The following TDRD7 variants were observed in gnomAD, a reference collection of about 807,000 sequenced individuals.
TDRD7 encodes tudor domain containing 7, also known as tudor domain-containing protein 7.
TDRD7 carries 47 observed loss-of-function variants against 109.8 expected under a neutral mutation model. That is an observed-to-expected ratio of 0.43 (90% CI 0.34 to 0.55). The LOEUF is 0.55. Among genes scored for constraint, TDRD7 ranks in the 20% least tolerant of loss-of-function variants. The pLI is 0.03. For missense variants in TDRD7, 1,164 were observed against 1,319.2 expected (o/e 0.88, Z 1.82); for synonymous variants, 424 against 457.3 (o/e 0.93, Z 0.93).
intron 6 of TDRD7, among the ~76,000 whole-genome samples, chr9:97,442,951 A>G (rs955772900): frequency 6.6e-6 from 1 of 152,184 alleles, no homozygotes; most frequent in East Asian, 1.9e-4. Context: ...GTTAGCCACT[A>G]CGCCCAGCTA....
Position 97,483,241 on chromosome 9 carries a change from A to C in TDRD7, c.2805A>C (p.Ile935=). The C allele has an allele frequency of 6.2e-7, 1 of 1,613,630 alleles. No individual in the cohort carries two copies. Among genetic ancestry groups the C allele is most frequent in the Non-Finnish European group, 8.5e-7 (1 of 1,179,664 alleles). Residue 935 remains isoleucine, a synonymous_variant, in exon 15 of 17, where the codon ATA becomes ATC. Transcript: ENST00000355295. ...TCGTCATCCAGCCTTGGCAGGAGAT[A>C]CATAAGTTGGAAGTTCTGATGGAAG... ...GYFVIQPWQE[I]HKLEVLMEEM...
chr9:97,476,289 T>C (rs144197929), intron 12 of TDRD7, among the ~76,000 whole-genome samples: 3 of 152,322 alleles, frequency 2.0e-5, no homozygotes, highest in Non-Finnish European at 4.4e-5. Flanking sequence ...ACTCTTCTAT[T>C]TCTAGTCACT....
chr9:97,469,132 A>AC (rs1828869222), intron 8 of TDRD7, among the ~76,000 whole-genome samples: 1 of 152,202 alleles, frequency 6.6e-6, no homozygotes, highest in African/African-American at 2.4e-5. Context: ...CTATTGTCAG[A>AC]CCACGTTACC....
intron 4 of TDRD7, among the ~76,000 whole-genome samples, chr9:97,433,148 TTC>T (rs1158313391): frequency 6.6e-6 from 1 of 152,178 alleles, no homozygotes; most frequent in Admixed American, 6.6e-5. Flanking sequence ...TGTTCAAAAA[TTC>T]TGTTTTGTGA....
chr9:97,482,973 A>G lies in TDRD7; in HGVS notation c.2537A>G (p.Lys846Arg). The change falls in exon 15 of 17, where the codon AAG (lysine) becomes AGG (arginine). Residue 846 changes from lysine (K) to arginine (R), a missense_variant. Physicochemically the swap from Lys to Arg is conservative, Grantham distance 26 (BLOSUM62 2). Coordinates refer to ENST00000355295, the MANE Select transcript of TDRD7 (RefSeq NM_014290.3). Reference protein sequence around the residue: ...ITNADLWKHQKDVFLSAISSG... With the variant: ...ITNADLWKHQRDVFLSAISSG... ...AATGCAGACTTGTGGAAGCATCAGAAGGATGTGTTTTTGAGTGCCATATCC... is the reference window on the plus strand; with the variant it reads ...AATGCAGACTTGTGGAAGCATCAGAGGGATGTGTTTTTGAGTGCCATATCC... 1 of 1,614,238 alleles carries G rather than the reference A, an allele frequency of 6.2e-7. No homozygotes were observed. The highest frequency in any genetic ancestry group is 1.7e-5 in the Admixed American group (1 of 60,012).
At chr9:97,428,704 C>G (rs1281552794) in intron 2 of TDRD7, 32 bp downstream of exon 2, 1 of 1,597,506 alleles carries the variant, frequency 6.3e-7, no homozygotes, top group Non-Finnish European at 8.6e-7. Flanking sequence ...TCAGAAGAAT[C>G]AAACCAATTC....
intron 8 of TDRD7, among the ~76,000 whole-genome samples, chr9:97,467,526 A>G (rs147129275): frequency 7.0e-4 from 106 of 152,270 alleles, no homozygotes; most frequent in African/African-American, 2.4e-3. Context: ...TTCACTTTTT[A>G]CTGGAGCCAA....
chr9:97,489,622 G>A (rs548562240), intron 16 of TDRD7, among the ~76,000 whole-genome samples: 31 of 152,072 alleles, frequency 2.0e-4, no homozygotes, highest in African/African-American at 7.0e-4. Flanking sequence ...TTTAATTGGT[G>A]TATTTAGACT....
chr9:97,447,860 G>A (rs535482242), intron 6 of TDRD7, among the ~76,000 whole-genome samples: 1 of 152,356 alleles, frequency 6.6e-6, no homozygotes, highest in African/African-American at 2.4e-5. Flanking sequence ...TAAGGAACAT[G>A]AGCAAGAGGC....
intron 16 of TDRD7, among the ~76,000 whole-genome samples, chr9:97,490,615 A>T (rs1437584274): frequency 6.7e-6 from 1 of 149,624 alleles, no homozygotes; most frequent in African/African-American, 2.5e-5. Context: ...TTAGTGTGTG[A>T]CATTAATTTG....
chr9:97,444,530 A>T (rs1207216277), intron 6 of TDRD7, among the ~76,000 whole-genome samples: 1 of 152,238 alleles, frequency 6.6e-6, no homozygotes, highest in Non-Finnish European at 1.5e-5. Context: ...AAGCAGAAAC[A>T]CTGATACCAT....
intron 7 of TDRD7, among the ~76,000 whole-genome samples, chr9:97,464,385 C>T (rs544559266): frequency 2.6e-5 from 4 of 152,210 alleles, no homozygotes; most frequent in Non-Finnish European, 4.4e-5. Flanking sequence ...GAGTCTCACT[C>T]TGTCATCCAG....
chr9:97,485,999 G>A (rs1244718671), intron 15 of TDRD7, among the ~76,000 whole-genome samples: 2 of 152,048 alleles, frequency 1.3e-5, no homozygotes, highest in Admixed American at 6.6e-5. Context: ...TTTTTGTTTC[G>A]GGGTTTCTCT....
chr9:97,439,278 G>A lies in TDRD7; in HGVS notation c.597G>A (p.Leu199=), dbSNP rs754359296. The change falls in exon 5 of 17, where the codon TTG becomes TTA. Residue 199 remains leucine, a synonymous_variant. Coordinates refer to ENST00000355295, the MANE Select transcript of TDRD7 (RefSeq NM_014290.3). ...CAAAGGCGTCCCTTCAACCACCTTTGCAGATGCATCTCTCAAGAACCTCTA... is the reference window on the plus strand; with the variant it reads ...CAAAGGCGTCCCTTCAACCACCTTTACAGATGCATCTCTCAAGAACCTCTA... ...FSPKASLQPP[L]QMHLSRTSTK... 1.9e-6 allele frequency: 3 copies of A among 1,600,794 alleles called. No individual in the cohort carries two copies. In the South Asian group the frequency reaches 3.3e-5, roughly 18 times the overall value.
chr9:97,452,543 G>C (rs1828516636), intron 6 of TDRD7, among the ~76,000 whole-genome samples: 1 of 152,152 alleles, frequency 6.6e-6, no homozygotes, highest in South Asian at 2.1e-4. Context: ...AGTGGGATAT[G>C]GTTATCTACT....
At chr9:97,443,671 A>G (rs1179419891) in intron 6 of TDRD7, among the ~76,000 whole-genome samples, 1 of 152,236 alleles carries the variant, frequency 6.6e-6, no homozygotes, top group East Asian at 1.9e-4. Context: ...CTTGAAATGC[A>G]TATGGCTCCT....
chr9:97,493,334 G>A (rs79460395), intron 16 of TDRD7, among the ~76,000 whole-genome samples: 7,766 of 152,090 alleles, frequency 0.051, 307 homozygotes, highest in African/African-American at 0.11. Flanking sequence ...CTGGGTGTCC[G>A]GGGGAGACAT....
In TDRD7 at chr9:97,424,135, C is replaced by T. The variant is rs1326403653; in HGVS notation, c.-6-4325C>T. On this transcript the variant is annotated intron_variant, in intron 1 of 16. Transcript: ENST00000355295. ...GTGGCATGATTTTGGCTCACTGCAA[C>T]CTCCACCGCCTGAGTTCAAGCAATT... Among the ~76,000 whole-genome samples the T allele has an allele frequency of 2.1e-5, 3 of 142,884 alleles. No individual in the cohort carries two copies. The East Asian group carries it at 6.2e-4, about 29-fold the overall frequency. The allele number at this position is 142,884 out of a possible 152,430, so 93.7% of individuals were successfully genotyped here.
chr9:97,478,370 G>A (rs1829059306), intron 12 of TDRD7, 69 bp from the exon 13 acceptor site: 5 of 1,579,970 alleles, frequency 3.2e-6, no homozygotes, highest in Non-Finnish European at 3.5e-6. Flanking sequence ...TGTACAAAAT[G>A]TAATTGCACA....
Sources: gnomAD v4.1 joint callset for allele counts (sites outside exome capture counted in the v4.1 genomes callset) on GRCh38, gnomAD v4.1.1 for gene constraint, MANE v1.5 for transcripts, NCBI Gene and HGNC (gene_info 2026-07-23, HGNC 2026-07-21) for gene names.